SIMC1: variants seen among roughly 807,000 people sequenced by gnomAD.
SIMC1 encodes the protein SUMO interacting motifs containing 1, also known as SUMO-interacting motif-containing protein 1.
A neutral mutation model predicts 82.3 loss-of-function variants in SIMC1; 55 were observed. The observed-to-expected ratio is 0.67, with a 90% CI of 0.54 to 0.84. SIMC1 has a LOEUF of 0.84. Ranked by LOEUF, SIMC1 falls within the 40% of genes least tolerant of loss-of-function variation. SIMC1 has a pLI of 0.00. For missense variants in SIMC1, 915 were observed against 1,107.2 expected (o/e 0.83, Z 2.46); for synonymous variants, 353 against 426.3 (o/e 0.83, Z 2.12).
intron 1 of SIMC1, among the ~76,000 whole-genome samples, chr5:176,268,436 C>T (rs1300231049): frequency 4.8e-5 from 6 of 125,478 alleles, no homozygotes. Context: ...ATATGAGAGA[C>T]ATTCTACATA....
intron 4 of SIMC1, among the ~76,000 whole-genome samples, chr5:176,303,579 C>T (rs1025799012): frequency 3.9e-5 from 6 of 152,294 alleles, no homozygotes; most frequent in South Asian, 2.1e-4. Flanking sequence ...CTCGGCCTCC[C>T]GAAGTGCTGG....
At chr5:176,324,482 A>T in intron 6 of SIMC1, 147 bp from the exon 7 acceptor site, 1 of 685,274 alleles carries the variant, frequency 1.5e-6, no homozygotes. Context: ...TGATGGTTTG[A>T]GTAGTTCTCC....
chr5:176,247,768 T>A (rs989243836), intron 1 of SIMC1, among the ~76,000 whole-genome samples: 2 of 151,764 alleles, frequency 1.3e-5, no homozygotes, highest in Non-Finnish European at 2.9e-5. Flanking sequence ...TAATCCATCT[T>A]CAGTTAATTT....
intron 2 of SIMC1, among the ~76,000 whole-genome samples, chr5:176,294,109 A>G (rs1226356699): frequency 6.6e-6 from 1 of 152,170 alleles, no homozygotes; most frequent in Non-Finnish European, 1.5e-5. Flanking sequence ...CTAAGTCTCT[A>G]GTTACCCTCA....
intron 1 of SIMC1, among the ~76,000 whole-genome samples, chr5:176,241,988 A>G (rs1270853645): frequency 2.0e-5 from 3 of 152,108 alleles, no homozygotes; most frequent in African/African-American, 4.8e-5. Flanking sequence ...AGCACTTTGT[A>G]TGGGTTTCAT....
chr5:176,322,699 T>A, intron 6 of SIMC1: 1 of 339,132 alleles, frequency 2.9e-6, no homozygotes. Context: ...ACACTGCCCT[T>A]CACTTCCTGC....
intron 1 of SIMC1, among the ~76,000 whole-genome samples, chr5:176,280,859 T>G (rs1203172342): frequency 3.9e-5 from 6 of 152,204 alleles, no homozygotes; most frequent in African/African-American, 7.2e-5. Context: ...TGGCTGCCCT[T>G]AACATTTTTT....
chr5:176,329,209 C>T (rs1037505297), intron 7 of SIMC1, among the ~76,000 whole-genome samples: 3 of 152,090 alleles, frequency 2.0e-5, no homozygotes, highest in Non-Finnish European at 2.9e-5. Context: ...CGGGGGCTCA[C>T]GCCTGTAATC....
At chr5:176,261,877 G>A (rs1326682950) in intron 1 of SIMC1, among the ~76,000 whole-genome samples, 6 of 152,128 alleles carry the variant, frequency 3.9e-5, no homozygotes, top group Admixed American at 2.0e-4. Context: ...ATGGGTTGGC[G>A]AGTGAATTCC....
intron 1 of SIMC1, among the ~76,000 whole-genome samples, chr5:176,249,876 A>G (rs1310781125): frequency 2.0e-5 from 3 of 147,738 alleles, no homozygotes; most frequent in Admixed American, 1.4e-4. Context: ...CAGCTCCTGA[A>G]TTCATTGATT....
In SIMC1 at chr5:176,342,131, T is replaced by A. The variant is rs150292324; in HGVS notation, c.2414-3052T>A. ...CCTGTCCCACCCTATTCAGTCAACT[T>A]TTTTTCCACTTCTTTCAAAATCATT... On this transcript the variant is annotated intron_variant, in intron 9 of 9. Coordinates refer to ENST00000429602, the MANE Select transcript of SIMC1 (RefSeq NM_001308195.2). 1.3e-3 allele frequency among the ~76,000 whole-genome samples: 194 copies of A among 152,346 alleles called. 1 individual carries two copies. The highest frequency in any genetic ancestry group is 4.5e-3 in the African/African-American group (188 of 41,598).
At chr5:176,319,152 T>C (rs1765047951) in intron 5 of SIMC1, among the ~76,000 whole-genome samples, 1 of 152,142 alleles carries the variant, frequency 6.6e-6, no homozygotes, top group Admixed American at 6.5e-5. Context: ...TTACTGATTC[T>C]TTGTATGTGC....
At chr5:176,252,096 G>A (rs2113122068) in intron 1 of SIMC1, among the ~76,000 whole-genome samples, 1 of 152,256 alleles carries the variant, frequency 6.6e-6, no homozygotes, top group South Asian at 2.1e-4. Flanking sequence ...GAGCTGTTGG[G>A]TACACCTCCC....
chr5:176,275,904 G>A (rs547508058), intron 1 of SIMC1, among the ~76,000 whole-genome samples: 1 of 151,788 alleles, frequency 6.6e-6, no homozygotes, highest in East Asian at 1.9e-4. Flanking sequence ...TTGCATCAAT[G>A]TTCATCAAGG....
intron 7 of SIMC1, among the ~76,000 whole-genome samples, chr5:176,333,654 T>C (rs1177177083): frequency 3.9e-5 from 6 of 152,178 alleles, no homozygotes; most frequent in Non-Finnish European, 8.8e-5. Context: ...GGTCTTGAAC[T>C]CCTGACCTCA....
intron 7 of SIMC1, among the ~76,000 whole-genome samples, chr5:176,334,691 CCT>C (rs1765809572): frequency 6.6e-6 from 1 of 152,202 alleles, no homozygotes; most frequent in Non-Finnish European, 1.5e-5. Flanking sequence ...CAAGAAGCCC[CCT>C]CTCTTCTATT....
intron 4 of SIMC1, 35 bp from the exon 5 acceptor site, chr5:176,313,656 G>A (rs1364664671): frequency 6.2e-7 from 1 of 1,610,844 alleles, no homozygotes; most frequent in East Asian, 2.2e-5. Context: ...AAGAGACTGA[G>A]AAGAAAGACT....
rs1261561326 is a variant in SIMC1 at position 176,289,977 on chromosome 5, A to G, written c.453A>G (p.Gly151=). Reference sequence around the variant, plus strand: ...CCCCACCCGCTACATCCATCAGTGGAGGCTCTGTTTATCCAACAGAGCCTA... The same window carrying G: ...CCCCACCCGCTACATCCATCAGTGGGGGCTCTGTTTATCCAACAGAGCCTA... The part of the protein sequence containing the change: ...VGPPPATSIS[G]GSVYPTEPNC... Residue 151 remains glycine, a synonymous_variant, in exon 2 of 10, where the codon GGA becomes GGG. Coordinates refer to ENST00000429602, the MANE Select transcript of SIMC1 (RefSeq NM_001308195.2). 2 of 1,613,684 alleles carry G rather than the reference A, an allele frequency of 1.2e-6. No individual in the cohort carries two copies. Among genetic ancestry groups the G allele is most frequent in the Middle Eastern group, 3.3e-4 (2 of 6,082 alleles).
chr5:176,244,440 C>T (rs1460079520), intron 1 of SIMC1, among the ~76,000 whole-genome samples: 15 of 148,374 alleles, frequency 1.0e-4, no homozygotes, highest in African/African-American at 1.8e-4. Flanking sequence ...GTCTTGTTAG[C>T]GCATAGGTTA....
Sources: gnomAD v4.1 joint callset for allele counts (sites outside exome capture counted in the v4.1 genomes callset) on GRCh38, gnomAD v4.1.1 for gene constraint, MANE v1.5 for transcripts, NCBI Gene and HGNC (gene_info 2026-07-23, HGNC 2026-07-21) for gene names.